The following MSRB2 variants were observed in gnomAD, a reference collection of about 807,000 sequenced individuals.
MSRB2 encodes the protein methionine-R-sulfoxide reductase B2, mitochondrial.
MSRB2 carries 17 observed loss-of-function variants against 19.0 expected under a neutral mutation model. That is an observed-to-expected ratio of 0.89 (90% CI 0.61 to 1.34). The LOEUF is 1.34. Ranked by LOEUF, MSRB2 falls within the 40% of genes most tolerant of loss-of-function variation. MSRB2 has a pLI of 0.00. For synonymous variants in MSRB2, 107 were observed against 99.7 expected, an observed-to-expected ratio of 1.07 and a Z score of -0.44; for missense variants, 208 against 237.6, an observed-to-expected ratio of 0.88 and a Z score of 0.82.
intron 1 of MSRB2, among the ~76,000 whole-genome samples, chr10:23,102,960 A>G (rs1839941259): frequency 6.6e-6 from 1 of 152,320 alleles, no homozygotes; most frequent in African/African-American, 2.4e-5. Context: ...ATCTATTTTC[A>G]TAGCAAAAAG....
At chr10:23,103,548 T>C (rs1208453726) in intron 1 of MSRB2, among the ~76,000 whole-genome samples, 2 of 152,204 alleles carry the variant, frequency 1.3e-5, no homozygotes, top group African/African-American at 4.8e-5. Context: ...AAACAAAATA[T>C]GGACAAAAAC....
chr10:23,116,721 A>G (rs1471092636), intron 3 of MSRB2, among the ~76,000 whole-genome samples: 1 of 152,208 alleles, frequency 6.6e-6, no homozygotes, highest in African/African-American at 2.4e-5. Flanking sequence ...CTGATGGTAG[A>G]TGAGCTGCAA....
intron 3 of MSRB2, among the ~76,000 whole-genome samples, chr10:23,110,540 T>G (rs1326046823): frequency 2.6e-5 from 4 of 152,238 alleles, no homozygotes; most frequent in Non-Finnish European, 2.9e-5. Flanking sequence ...ACAAGACTTC[T>G]TAGCTTATAT....
At chr10:23,103,201 A>G (rs970803820) in intron 1 of MSRB2, among the ~76,000 whole-genome samples, 3 of 152,200 alleles carry the variant, frequency 2.0e-5, no homozygotes, top group African/African-American at 7.2e-5. Context: ...GCCGAAGGAT[A>G]ATTTAGGACT....
At chr10:23,102,030 G>A (rs1228310721) in intron 1 of MSRB2, among the ~76,000 whole-genome samples, 2 of 152,100 alleles carry the variant, frequency 1.3e-5, no homozygotes, top group African/African-American at 2.4e-5. Context: ...GTCTGGGATT[G>A]TTTGATGTTT....
At chr10:23,099,051 G>A (rs1839898081) in intron 1 of MSRB2, among the ~76,000 whole-genome samples, 1 of 152,110 alleles carries the variant, frequency 6.6e-6, no homozygotes, top group South Asian at 2.1e-4. Context: ...ATTGGACCAG[G>A]GCCCCCTCTT....
At chr10:23,102,789 A>G (rs988241172) in intron 1 of MSRB2, among the ~76,000 whole-genome samples, 4 of 152,212 alleles carry the variant, frequency 2.6e-5, no homozygotes, top group Non-Finnish European at 5.9e-5. Context: ...TAAAAATTCT[A>G]TACTTCCTTC....
intron 2 of MSRB2, among the ~76,000 whole-genome samples, chr10:23,104,487 C>A (rs1431140485): frequency 2.6e-5 from 4 of 152,158 alleles, no homozygotes; most frequent in Non-Finnish European, 5.9e-5. Flanking sequence ...CTTCCATGCA[C>A]CGCTGTCACC....
intron 3 of MSRB2, among the ~76,000 whole-genome samples, chr10:23,113,327 A>C (rs1295238637): frequency 6.6e-6 from 1 of 151,974 alleles, no homozygotes; most frequent in Non-Finnish European, 1.5e-5. Context: ...TACTAATTGA[A>C]ATTCCACTTA....
chr10:23,109,973 T>C (rs1448605868), intron 2 of MSRB2, among the ~76,000 whole-genome samples: 1 of 152,232 alleles, frequency 6.6e-6, no homozygotes, highest in Non-Finnish European at 1.5e-5. Flanking sequence ...TCACCGACTT[T>C]GATGCTCTTG....
At chr10:23,096,352 C>CTCTCTCTGTGTGTGTGTGTGTGTGTGTG (rs144653384) in intron 1 of MSRB2, among the ~76,000 whole-genome samples, 12 of 142,750 alleles carry the variant, frequency 8.4e-5, no homozygotes, top group African/African-American at 2.5e-4. Flanking sequence ...CTCTCTCTCT[C>CTCTCTCTGTGTGTGTGTGTGTGTGTGTG]TGTGTGTGTG....
intron 3 of MSRB2, 184 bp from the exon 4 acceptor site, chr10:23,119,120 G>T (rs1185519829): frequency 1.4e-6 from 1 of 727,146 alleles, no homozygotes; most frequent in Admixed American, 2.0e-5. Flanking sequence ...AGAGGCAATG[G>T]CTTCGATAGT....
Position 23,110,260 on chromosome 10 carries a change from C to G in MSRB2, c.238C>G (p.Leu80Val), listed in dbSNP as rs773009503. The change falls in exon 3 of 5, where the codon CTG (leucine) becomes GTG (valine). Residue 80 changes from leucine to valine, a missense_variant. Physicochemically the swap from Leu to Val is conservative, Grantham distance 32. Transcript: ENST00000376510. Reference protein sequence around the residue: ...GTEPPFSGIYLNNKEAGMYHC... With the variant: ...GTEPPFSGIYVNNKEAGMYHC... Reference sequence around the variant, plus strand: ...CTTTCAGCCTTTCAGTGGGATCTACCTGAATAACAAGGAAGCAGGAATGTA... The same window carrying G: ...CTTTCAGCCTTTCAGTGGGATCTACGTGAATAACAAGGAAGCAGGAATGTA... 1.2e-6 allele frequency: 2 copies of G among 1,613,506 alleles called. No homozygotes were observed. Among genetic ancestry groups the G allele is most frequent in the Non-Finnish European group, 1.7e-6 (2 of 1,179,720 alleles).
intron 2 of MSRB2, among the ~76,000 whole-genome samples, chr10:23,107,780 G>A (rs182556382): frequency 6.6e-6 from 1 of 152,284 alleles, no homozygotes; most frequent in African/African-American, 2.4e-5. Context: ...CTCAGCCTGG[G>A]TTTATATTAG....
At chr10:23,098,619 C>A (rs1313372774) in intron 1 of MSRB2, among the ~76,000 whole-genome samples, 2 of 152,206 alleles carry the variant, frequency 1.3e-5, no homozygotes, top group Admixed American at 1.3e-4. Flanking sequence ...AATACCTGCA[C>A]ACACACAGAA....
chr10:23,096,352 C>CTCTCTCTGTGTGTGTGTGTGTGTGTG (rs144653384), intron 1 of MSRB2, among the ~76,000 whole-genome samples: 18 of 142,830 alleles, frequency 1.3e-4, no homozygotes, highest in African/African-American at 4.4e-4. Flanking sequence ...CTCTCTCTCT[C>CTCTCTCTGTGTGTGTGTGTGTGTGTG]TGTGTGTGTG....
intron 4 of MSRB2, among the ~76,000 whole-genome samples, chr10:23,120,213 G>A (rs1419759951): frequency 6.6e-6 from 1 of 152,190 alleles, no homozygotes; most frequent in South Asian, 2.1e-4. Flanking sequence ...TGCGGGTGAC[G>A]TCAGCACCTC....
At chr10:23,108,494 G>A (rs78822362) in intron 2 of MSRB2, among the ~76,000 whole-genome samples, 1 of 72,622 alleles carries the variant, frequency 1.4e-5, no homozygotes, top group Admixed American at 1.5e-4. Flanking sequence ...TTTTTTTTTT[G>A]AGATGGAGTC....
chr10:23,101,223 T>C (rs191893939), intron 1 of MSRB2, among the ~76,000 whole-genome samples: 163 of 152,316 alleles, frequency 1.1e-3, no homozygotes, highest in African/African-American at 3.7e-3. Context: ...TGCATCCTCA[T>C]AGCTCAGCTC....
Sources: allele counts gnomAD v4.1 joint callset (sites outside exome capture counted in the v4.1 genomes callset), GRCh38; gene constraint gnomAD v4.1.1; transcripts MANE v1.5; gene names NCBI Gene and HGNC (gene_info 2026-07-23, HGNC 2026-07-21).